Variants in RANBP17 observed in about 807,000 individuals in gnomAD.
RANBP17 encodes RAN binding protein 17, also known as ran-binding protein 17.
RANBP17 carries 158 observed loss-of-function variants against 141.2 expected under a neutral mutation model. That is an observed-to-expected ratio of 1.12 (90% CI 0.98 to 1.28). The LOEUF (loss-of-function observed/expected upper bound fraction) is 1.28, where lower values mean the gene tolerates loss of function less well. Among genes scored for constraint, RANBP17 ranks in the 50% most tolerant of loss-of-function variants. The pLI is 0.00. For synonymous variants in RANBP17, 430 were observed against 450.0 expected (o/e 0.96, Z 0.56); for missense variants, 1,438 against 1,290.7 (o/e 1.11, Z -1.75).
chr5:171,061,057 T>A (rs764571031), intron 14 of RANBP17, among the ~76,000 whole-genome samples: 2 of 152,006 alleles, frequency 1.3e-5, no homozygotes, highest in African/African-American at 4.8e-5. Context: ...TCTCTTTTTT[T>A]CTTCATTAGT....
rs1428612572 is a variant in RANBP17 at position 171,276,039 on chromosome 5, A to G, written c.2943+10192A>G. ...AGGGTCAGCTGCTGGTCAGAAGCAA[A>G]GTAAGAAAAGATTTTGCGTCCAAAC... On this transcript the variant is annotated intron_variant, in intron 25 of 27. Coordinates refer to ENST00000523189, the MANE Select transcript of RANBP17 (RefSeq NM_022897.5). Among the ~76,000 whole-genome samples, 10 of 152,310 alleles carry G rather than the reference A, an allele frequency of 6.6e-5. No homozygotes were observed. The East Asian group carries it at 1.4e-3, about 21-fold the overall frequency.
intron 14 of RANBP17, among the ~76,000 whole-genome samples, chr5:171,013,174 G>A (rs141043626): frequency 6.6e-5 from 10 of 152,268 alleles, no homozygotes; most frequent in Admixed American, 1.3e-4. Context: ...AACTTGTTCA[G>A]AGCAGTTCCC....
At chr5:170,957,569 T>TA (rs1350431311) in intron 13 of RANBP17, among the ~76,000 whole-genome samples, 1 of 152,228 alleles carries the variant, frequency 6.6e-6, no homozygotes, top group Non-Finnish European at 1.5e-5. Flanking sequence ...AACAAGGTGA[T>TA]ACTCTGCCTT....
chr5:170,962,378 T>A (rs1451927426), intron 13 of RANBP17, among the ~76,000 whole-genome samples: 1 of 152,190 alleles, frequency 6.6e-6, no homozygotes, highest in Non-Finnish European at 1.5e-5. Flanking sequence ...CAAATTTTTG[T>A]TCCACATCTT....
intron 18 of RANBP17, among the ~76,000 whole-genome samples, chr5:171,195,544 C>T (rs1454782119): frequency 6.6e-6 from 1 of 152,176 alleles, no homozygotes; most frequent in Non-Finnish European, 1.5e-5. Flanking sequence ...CTACTTTAAA[C>T]CCAAGTGATT....
intron 25 of RANBP17, among the ~76,000 whole-genome samples, chr5:171,273,996 A>C (rs929189052): frequency 1.4e-4 from 22 of 152,194 alleles, no homozygotes; most frequent in South Asian, 8.3e-4. Context: ...ATCTTTGCAC[A>C]CAAGGAATAC....
At chr5:171,158,426 A>AT (rs1421652222) in intron 14 of RANBP17, 1 of 192,562 alleles carries the variant, frequency 5.2e-6, no homozygotes, top group African/African-American at 2.3e-5. Flanking sequence ...TCCTATGTGA[A>AT]TTGCATTTTC....
intron 14 of RANBP17, among the ~76,000 whole-genome samples, chr5:170,979,001 C>T (rs111922496): frequency 2.4e-4 from 36 of 152,092 alleles, no homozygotes; most frequent in African/African-American, 8.4e-4. Context: ...TCTAAAACTA[C>T]GTTTATTTTT....
chr5:171,026,383 T>C (rs1288385452), intron 14 of RANBP17, among the ~76,000 whole-genome samples: 2 of 152,172 alleles, frequency 1.3e-5, no homozygotes, highest in East Asian at 3.9e-4. Flanking sequence ...CTAATTGATC[T>C]TTCTCTATAT....
At chr5:170,882,631 G>A (rs1768808282) in intron 3 of RANBP17, among the ~76,000 whole-genome samples, 1 of 152,120 alleles carries the variant, frequency 6.6e-6, no homozygotes, top group Non-Finnish European at 1.5e-5. Flanking sequence ...AACTTGGTAT[G>A]CAACTGAATG....
intron 14 of RANBP17, among the ~76,000 whole-genome samples, chr5:171,153,518 A>T (rs1036204773): frequency 7.2e-5 from 11 of 152,192 alleles, no homozygotes; most frequent in Admixed American, 1.3e-4. Context: ...ATCATTGTTC[A>T]ATGTAATGAG....
chr5:171,227,551 A>C (rs1425107925), intron 22 of RANBP17, among the ~76,000 whole-genome samples: 1 of 152,262 alleles, frequency 6.6e-6, no homozygotes, highest in Admixed American at 6.5e-5. Flanking sequence ...GCAAGTGCTG[A>C]TGGAGAAGCT....
intron 13 of RANBP17, among the ~76,000 whole-genome samples, chr5:170,959,986 T>A (rs565223019): frequency 4.6e-5 from 7 of 152,314 alleles, no homozygotes; most frequent in South Asian, 2.1e-4. Context: ...TTCAGTCAGG[T>A]CTGTACTCAG....
intron 14 of RANBP17, among the ~76,000 whole-genome samples, chr5:171,013,008 G>C (rs892047101): frequency 1.3e-5 from 2 of 152,108 alleles, no homozygotes; most frequent in Non-Finnish European, 2.9e-5. Flanking sequence ...CTTTTTGAAA[G>C]ATATTTAGAA....
At chr5:171,124,830 A>G (rs1756311472) in intron 14 of RANBP17, among the ~76,000 whole-genome samples, 1 of 152,196 alleles carries the variant, frequency 6.6e-6, no homozygotes, top group Non-Finnish European at 1.5e-5. Context: ...ACAATCAGAA[A>G]CTAATAAAGT....
chr5:171,108,570 G>A (rs577601656), intron 14 of RANBP17, among the ~76,000 whole-genome samples: 23 of 151,872 alleles, frequency 1.5e-4, no homozygotes, highest in African/African-American at 4.3e-4. Flanking sequence ...GCATCACCAC[G>A]CCCTGATGAT....
At chr5:170,940,850 T>C (rs1774268635) in intron 12 of RANBP17, among the ~76,000 whole-genome samples, 1 of 151,756 alleles carries the variant, frequency 6.6e-6, no homozygotes, top group Non-Finnish European at 1.5e-5. Context: ...AGCATTAGCA[T>C]ATGAAGTGAG....
chr5:171,286,319 G>C (rs1439989883), intron 25 of RANBP17, among the ~76,000 whole-genome samples: 1 of 152,132 alleles, frequency 6.6e-6, no homozygotes, highest in Non-Finnish European at 1.5e-5. Context: ...AGTTGGCAGG[G>C]ATCCCCAGTG....
rs148976551 is a variant in RANBP17 at position 171,037,156 on chromosome 5, A to G, written c.1710+68779A>G. On this transcript the variant is annotated intron_variant, in intron 14 of 27. Coordinates refer to ENST00000523189, the MANE Select transcript of RANBP17 (RefSeq NM_022897.5). ...TAATAGCCATCCTGACTGGTATGCA[A>G]TGGTATCTTACTGTAATTTTGATTT... Among the ~76,000 whole-genome samples, 324 of 152,098 alleles carry G rather than the reference A, an allele frequency of 2.1e-3. 1 individual carries two copies. The highest frequency in any genetic ancestry group is 6.9e-3 in the African/African-American group (285 of 41,498).
Sources: allele counts gnomAD v4.1 joint callset (sites outside exome capture counted in the v4.1 genomes callset), GRCh38; gene constraint gnomAD v4.1.1; transcripts MANE v1.5; gene names NCBI Gene and HGNC (gene_info 2026-07-23, HGNC 2026-07-21).